RBPJ: variants seen among roughly 807,000 people sequenced by gnomAD.
RBPJ encodes the protein recombination signal binding protein for immunoglobulin kappa J region.
Under a neutral mutation model 67.8 loss-of-function variants are expected in RBPJ, and 9 were observed. The ratio of observed to expected loss-of-function variants is 0.13; its 90% CI spans 0.08 to 0.23. The LOEUF is 0.23. Among genes scored for constraint, RBPJ ranks in the 10% least tolerant of loss-of-function variants. The pLI is 1.00. For missense variants in RBPJ, 305 were observed against 595.6 expected, an observed-to-expected ratio of 0.51 and a Z score of 5.08; for synonymous variants, 198 against 203.3, an observed-to-expected ratio of 0.97 and a Z score of 0.22.
chr4:26,256,702 G>A (rs935316495), intron 1 of RBPJ, among the ~76,000 whole-genome samples: 1 of 152,172 alleles, frequency 6.6e-6, no homozygotes, highest in Non-Finnish European at 1.5e-5. Flanking sequence ...TTGTAAGGAC[G>A]TAAGGACAAA....
chr4:26,236,690 G>A (rs1451950745), intron 1 of RBPJ, among the ~76,000 whole-genome samples: 3 of 152,190 alleles, frequency 2.0e-5, no homozygotes, highest in African/African-American at 7.2e-5. Context: ...TCACCTATGT[G>A]ATAGTGTATT....
chr4:26,123,250 G>T, the RBPJ span, among the ~76,000 whole-genome samples: 1 of 152,140 alleles, frequency 6.6e-6, no homozygotes, highest in Non-Finnish European at 1.5e-5. Flanking sequence ...GGCAACCAGA[G>T]CACAATGGGA....
chr4:26,202,456 C>T (rs1369490329), intron 1 of RBPJ, among the ~76,000 whole-genome samples: 1 of 151,956 alleles, frequency 6.6e-6, no homozygotes, highest in Non-Finnish European at 1.5e-5. Context: ...CCCCCCAGCC[C>T]AGCTTCATCC....
chr4:26,186,738 T>G (rs1717278731), intron 1 of RBPJ, among the ~76,000 whole-genome samples: 1 of 152,236 alleles, frequency 6.6e-6, no homozygotes, highest in Non-Finnish European at 1.5e-5. Context: ...CTATACTTCT[T>G]TATACATTTC....
chr4:26,415,878 T>A (rs1268020204), intron 4 of RBPJ, among the ~76,000 whole-genome samples: 1 of 152,214 alleles, frequency 6.6e-6, no homozygotes, highest in Non-Finnish European at 1.5e-5. Flanking sequence ...GCAAGCAGTT[T>A]TAGCAGACTA....
the RBPJ span, among the ~76,000 whole-genome samples, chr4:26,114,497 A>ATATGTG: frequency 1.6e-4 from 22 of 140,074 alleles, no homozygotes; most frequent in African/African-American, 5.8e-4. Context: ...ATATATATAT[A>ATATGTG]TGTATGTGTG....
At chr4:26,109,103 CTT>C in the RBPJ span, among the ~76,000 whole-genome samples, 31 of 130,038 alleles carry the variant, frequency 2.4e-4, no homozygotes, top group Middle Eastern at 4.2e-3. Flanking sequence ...TTGCCTTCCT[CTT>C]TTTTTTTTTT....
At chr4:26,245,201 G>GTT (rs1719886608) in intron 1 of RBPJ, among the ~76,000 whole-genome samples, 1 of 125,620 alleles carries the variant, frequency 8.0e-6, no homozygotes, top group Non-Finnish European at 1.7e-5. Flanking sequence ...AATCACTATT[G>GTT]TATTTTTTTT....
At chr4:26,280,083 G>A (rs542465019) in intron 1 of RBPJ, among the ~76,000 whole-genome samples, 4 of 149,090 alleles carry the variant, frequency 2.7e-5, no homozygotes, top group Non-Finnish European at 5.9e-5. Context: ...CACCGTGCCC[G>A]ACCAAAATTG....
chr4:26,208,493 A>G (rs1718247805), intron 1 of RBPJ, among the ~76,000 whole-genome samples: 1 of 152,204 alleles, frequency 6.6e-6, no homozygotes, highest in Non-Finnish European at 1.5e-5. Context: ...ACAAAGAACA[A>G]TAGTCTTTCT....
At chr4:26,389,220 C>T (rs578197358) in intron 2 of RBPJ, among the ~76,000 whole-genome samples, 3 of 150,692 alleles carry the variant, frequency 2.0e-5, no homozygotes, top group Admixed American at 2.0e-4. Context: ...CAGAGTGAGA[C>T]CCCATCTAAA....
chr4:26,251,487 T>C (rs970726605), intron 1 of RBPJ, among the ~76,000 whole-genome samples: 60 of 151,986 alleles, frequency 3.9e-4, no homozygotes, highest in African/African-American at 1.4e-3. Context: ...ATTACAAAAA[T>C]TAGCCAGTGT....
At chr4:26,265,646 C>G (rs776228344) in intron 1 of RBPJ, among the ~76,000 whole-genome samples, 5 of 152,102 alleles carry the variant, frequency 3.3e-5, no homozygotes, top group African/African-American at 7.2e-5. Flanking sequence ...AGTCTTAACA[C>G]AATTCAATTT....
rs999690868 is a variant in RBPJ at position 26,433,135 on chromosome 4, A to G, written c.*2128A>G. The G allele has an allele frequency of 1.3e-5, 2 of 152,144 alleles. No homozygotes were observed. The highest frequency in any genetic ancestry group is 4.8e-5 in the African/African-American group (2 of 41,422). 9.4% of individuals were successfully genotyped at this position (152,144 alleles called of 1,614,324 possible). On this transcript the variant is annotated 3_prime_UTR_variant, in exon 11 of 11. Coordinates refer to ENST00000355476, the MANE Select transcript of RBPJ (RefSeq NM_015874.6). ...TGCTCCAATCACTCACTTCTCTCTTATAAGCTAATCCTGCCTCACACCTTA... is the reference window on the plus strand; with the variant it reads ...TGCTCCAATCACTCACTTCTCTCTTGTAAGCTAATCCTGCCTCACACCTTA...
At chr4:26,170,532 A>ACC (rs1164151209) in intron 1 of RBPJ, among the ~76,000 whole-genome samples, 7 of 136,192 alleles carry the variant, frequency 5.1e-5, no homozygotes, top group African/African-American at 1.9e-4. Flanking sequence ...CAACAGAGTA[A>ACC]GGCCCTGTCT....
chr4:26,243,157 G>A (rs1455968440), intron 1 of RBPJ, among the ~76,000 whole-genome samples: 1 of 152,080 alleles, frequency 6.6e-6, no homozygotes, highest in African/African-American at 2.4e-5. Flanking sequence ...AACCCGGGAG[G>A]CAGAGGTTGC....
At chr4:26,199,154 T>C (rs985946911) in intron 1 of RBPJ, among the ~76,000 whole-genome samples, 4 of 152,262 alleles carry the variant, frequency 2.6e-5, no homozygotes, top group Admixed American at 2.6e-4. Context: ...GATTAAGAAT[T>C]CCTGCCCTTG....
chr4:26,402,365 AC>A (rs1732923512), intron 2 of RBPJ, among the ~76,000 whole-genome samples: 1 of 152,172 alleles, frequency 6.6e-6, no homozygotes, highest in South Asian at 2.1e-4. Context: ...TTGGATTCCA[AC>A]ATTAGCTGGT....
At chr4:26,250,968 G>A (rs746105459) in intron 1 of RBPJ, among the ~76,000 whole-genome samples, 1 of 152,178 alleles carries the variant, frequency 6.6e-6, no homozygotes, top group African/African-American at 2.4e-5. Flanking sequence ...TGATGTAAAC[G>A]CATTTCTTAA....
Sources: gnomAD v4.1 joint callset for allele counts (sites outside exome capture counted in the v4.1 genomes callset) on GRCh38, gnomAD v4.1.1 for gene constraint, MANE v1.5 for transcripts, NCBI Gene and HGNC (gene_info 2026-07-23, HGNC 2026-07-21) for gene names.